The following NDST3 variants were observed in gnomAD, a reference collection of about 807,000 sequenced individuals.
NDST3 encodes N-deacetylase and N-sulfotransferase 3.
NDST3 carries 58 observed loss-of-function variants against 96.1 expected under a neutral mutation model. The ratio of observed to expected loss-of-function variants is 0.60; its 90% CI spans 0.49 to 0.75. The LOEUF is 0.75. Ranked by LOEUF, NDST3 falls within the 30% of genes least tolerant of loss-of-function variation. NDST3 has a pLI of 0.00. For missense variants in NDST3, 788 were observed against 1,034.2 expected, an observed-to-expected ratio of 0.76 and a Z score of 3.27; for synonymous variants, 333 against 359.7, an observed-to-expected ratio of 0.93 and a Z score of 0.84.
Position 118,162,383 on chromosome 4 carries a change from T to C in NDST3, c.1539+18699T>C, listed in dbSNP as rs1735222585. Among the ~76,000 whole-genome samples the C allele has an allele frequency of 3.3e-5, 5 of 152,170 alleles. No homozygotes were observed. The South Asian group carries it at 1.0e-3, about 32-fold the overall frequency. The stretch of plus-strand genomic sequence containing the variant: ...GGCTACAGTAACCAAAACAGCATGG[T>C]ACTGGTACCAAAACACAGATATAGA... On this transcript the variant is annotated intron_variant, in intron 6 of 13. Transcript: ENST00000296499.
chr4:118,242,494 T>C (rs917700777), intron 12 of NDST3, among the ~76,000 whole-genome samples: 12 of 152,214 alleles, frequency 7.9e-5, no homozygotes, highest in South Asian at 4.1e-4. Context: ...CTTGGAAGTA[T>C]GAACAGGTGA....
intron 10 of NDST3, among the ~76,000 whole-genome samples, chr4:118,238,324 G>A (rs1365372603): frequency 6.6e-6 from 1 of 152,028 alleles, no homozygotes. Context: ...TCTGATGTTG[G>A]TTAGAACCTT....
chr4:118,170,131 T>C (rs1433367202), intron 6 of NDST3, among the ~76,000 whole-genome samples: 1 of 152,122 alleles, frequency 6.6e-6, no homozygotes, highest in Non-Finnish European at 1.5e-5. Context: ...ATAAATAAAT[T>C]ATCTCTCTTT....
At chr4:118,110,472 G>C (rs1437413406) in intron 3 of NDST3, among the ~76,000 whole-genome samples, 1 of 152,098 alleles carries the variant, frequency 6.6e-6, no homozygotes. Flanking sequence ...GTTAGCAGCA[G>C]CACTCACCTC....
chr4:118,060,255 G>A lies in NDST3; in HGVS notation c.981+5364G>A, dbSNP rs573214299. On this transcript the variant is annotated intron_variant, in intron 2 of 13. Transcript: ENST00000296499. ...ATTGCCTTCTATATTTTGAAGCTATGTTAAGTGCACATATTTTGAAATTGT... is the reference window on the plus strand; with the variant it reads ...ATTGCCTTCTATATTTTGAAGCTATATTAAGTGCACATATTTTGAAATTGT... Among the ~76,000 whole-genome samples, 196 of 152,100 alleles carry A rather than the reference G, an allele frequency of 1.3e-3. 3 individuals are homozygous for A. Among genetic ancestry groups the A allele is most frequent in the African/African-American group, 4.6e-3 (191 of 41,532 alleles).
chr4:118,234,207 T>G (rs1185182483), intron 9 of NDST3, among the ~76,000 whole-genome samples: 2 of 150,680 alleles, frequency 1.3e-5, no homozygotes, highest in African/African-American at 4.9e-5. Context: ...AAGTCAGGAG[T>G]TTGAGACTAG....
rs1739935301 is a variant in NDST3 at position 118,227,104 on chromosome 4, T to C, written c.1819+122T>C. On this transcript the variant is annotated intron_variant, in intron 8 of 13. Transcript: ENST00000296499. ...CTAATGAATGAATAACATGTTTTTC[T>C]CTGACATAATTTTCATTTAGCCCAG... 1.2e-5 allele frequency: 8 copies of C among 681,378 alleles called. No homozygotes were observed. The South Asian group carries it at 1.3e-4, about 11-fold the overall frequency. 42.2% of individuals were successfully genotyped at this position (681,378 alleles called of 1,614,324 possible). A position where few individuals can be genotyped will look rare whatever the true frequency, so the allele number is the denominator to read the frequency against.
At chr4:118,114,571 T>C (rs993522111) in intron 3 of NDST3, among the ~76,000 whole-genome samples, 15 of 152,232 alleles carry the variant, frequency 9.9e-5, no homozygotes, top group African/African-American at 3.6e-4. Context: ...CATCTTGCAG[T>C]GATTTCATAT....
intron 5 of NDST3, among the ~76,000 whole-genome samples, chr4:118,139,433 T>G (rs1209999729): frequency 6.6e-6 from 1 of 152,202 alleles, no homozygotes; most frequent in African/African-American, 2.4e-5. Flanking sequence ...AAACCTATAT[T>G]TGGCTTGTGG....
At chr4:118,058,628 TGTGTGTGCGCGCGC>T (rs1404924497) in intron 2 of NDST3, among the ~76,000 whole-genome samples, 3 of 101,222 alleles carry the variant, frequency 3.0e-5, no homozygotes, top group Non-Finnish European at 6.1e-5. Flanking sequence ...TGTGTGTGTG[TGTGTGTGCGCGCGC>T]GCGCACGCAT....
chr4:118,129,217 C>T (rs971171802), intron 4 of NDST3, among the ~76,000 whole-genome samples: 1 of 151,498 alleles, frequency 6.6e-6, no homozygotes, highest in Non-Finnish European at 1.5e-5. Flanking sequence ...TATTTCTTTT[C>T]TCCTATTATT....
chr4:118,124,371 G>A (rs1731865553), intron 4 of NDST3, among the ~76,000 whole-genome samples: 1 of 151,958 alleles, frequency 6.6e-6, no homozygotes, highest in Non-Finnish European at 1.5e-5. Context: ...AAAGAATACT[G>A]TTAACTAAAT....
intron 12 of NDST3, among the ~76,000 whole-genome samples, chr4:118,243,090 T>A (rs894760897): frequency 5.0e-5 from 7 of 139,284 alleles, no homozygotes; most frequent in Admixed American, 2.1e-4. Context: ...CGTAAGTTGG[T>A]TTTTTTTTAA....
chr4:118,170,119 G>T (rs1735836622), intron 6 of NDST3, among the ~76,000 whole-genome samples: 1 of 152,244 alleles, frequency 6.6e-6, no homozygotes, highest in East Asian at 1.9e-4. Context: ...TTCAAACACA[G>T]AATAAATAAA....
At chr4:118,091,731 C>T (rs1368912582) in intron 2 of NDST3, among the ~76,000 whole-genome samples, 1 of 151,692 alleles carries the variant, frequency 6.6e-6, no homozygotes, top group Non-Finnish European at 1.5e-5. Context: ...TATGTTTGTG[C>T]CCCACTATCA....
intron 4 of NDST3, among the ~76,000 whole-genome samples, chr4:118,121,814 A>G (rs1041919011): frequency 6.6e-6 from 1 of 152,198 alleles, no homozygotes. Context: ...TATTTCACCT[A>G]CATGAGGATA....
At chr4:118,105,566 A>G (rs940437156) in intron 3 of NDST3, among the ~76,000 whole-genome samples, 6 of 152,216 alleles carry the variant, frequency 3.9e-5, no homozygotes, top group South Asian at 2.1e-4. Context: ...GTAAAGATTC[A>G]TCTGTATCCA....
At chr4:118,071,396 A>G (rs1376281351) in intron 2 of NDST3, among the ~76,000 whole-genome samples, 1 of 151,930 alleles carries the variant, frequency 6.6e-6, no homozygotes, top group East Asian at 1.9e-4. Flanking sequence ...TAGTTTTTTG[A>G]TCCTCACCCT....
chr4:118,233,984 G>T (rs547215793), intron 9 of NDST3, among the ~76,000 whole-genome samples: 1 of 152,172 alleles, frequency 6.6e-6, no homozygotes, highest in African/African-American at 2.4e-5. Flanking sequence ...AAAAGAAATG[G>T]ATTGAGTATA....
Sources: gnomAD v4.1 joint callset for allele counts (sites outside exome capture counted in the v4.1 genomes callset) on GRCh38, gnomAD v4.1.1 for gene constraint, MANE v1.5 for transcripts, NCBI Gene and HGNC (gene_info 2026-07-23, HGNC 2026-07-21) for gene names.